PCDHGA1: variants seen among roughly 807,000 people sequenced by gnomAD.
The protein encoded by PCDHGA1 is protocadherin gamma-A1.
In PCDHGA1, 32 loss-of-function variants were observed where a neutral mutation model predicts 58.0. That is an observed-to-expected ratio of 0.55 (90% confidence interval 0.42 to 0.74). PCDHGA1 has a LOEUF of 0.74. Ranked by LOEUF, PCDHGA1 falls within the 30% of genes least tolerant of loss-of-function variation. The pLI is 0.00. For synonymous variants in PCDHGA1, 498 were observed against 501.1 expected (o/e 0.99, Z 0.08); for missense variants, 1,205 against 1,182.3 (o/e 1.02, Z -0.28).
At chr5:141,400,360 C>T (rs1327384409) in intron 1 of PCDHGA1, 2 of 1,614,030 alleles carry the variant, frequency 1.2e-6, no homozygotes, top group East Asian at 2.2e-5. Context: ...GGGGACTTTG[C>T]CTTATTCCTA....
At chr5:141,398,667 A>G (rs750777887) in intron 1 of PCDHGA1, 1 of 1,614,006 alleles carries the variant, frequency 6.2e-7, no homozygotes, top group Admixed American at 1.7e-5. Flanking sequence ...GTTTCTCATT[A>G]ATAATTAAGG....
intron 1 of PCDHGA1, chr5:141,338,986 A>G (rs1047094730): frequency 1.9e-5 from 29 of 1,540,890 alleles, no homozygotes; most frequent in Non-Finnish European, 2.1e-5. Flanking sequence ...CGGCTCTGCA[A>G]AAGTTGCCAC....
At chr5:141,508,760 T>A (rs1004267844) in intron 3 of PCDHGA1, among the ~76,000 whole-genome samples, 17 of 151,522 alleles carry the variant, frequency 1.1e-4, no homozygotes, top group Admixed American at 1.1e-3. Flanking sequence ...CTCTGGCGCC[T>A]CTGAGGTCCC....
At chr5:141,413,661 T>G (rs2095664313) in intron 1 of PCDHGA1, 1 of 1,613,886 alleles carries the variant, frequency 6.2e-7, no homozygotes. Flanking sequence ...CGGAAGCTAT[T>G]GATCCGGATG....
intron 1 of PCDHGA1, among the ~76,000 whole-genome samples, chr5:141,380,336 G>C (rs1221282125): frequency 6.6e-6 from 1 of 152,060 alleles, no homozygotes; most frequent in Non-Finnish European, 1.5e-5. Flanking sequence ...GAACTTCAAA[G>C]AACTGTTTTG....
At chr5:141,360,213 C>CG (rs1458385233) in intron 1 of PCDHGA1, 10 of 1,613,128 alleles carry the variant, frequency 6.2e-6, no homozygotes, top group Middle Eastern at 1.7e-4. Flanking sequence ...CTTTGTTCCC[C>CG]GGGGCTCTCC....
rs182282975 is a variant in PCDHGA1 at position 141,420,903 on chromosome 5, A to G, written c.2422-73904A>G. The G allele has an allele frequency of 1.7e-5, 5 of 296,804 alleles. No individual in the cohort carries two copies. In the Admixed American group the frequency reaches 1.8e-4, roughly 11 times the overall value. The allele number at this position is 296,804 out of a possible 1,614,324, so 18.4% of individuals were successfully genotyped here. On this transcript the variant is annotated intron_variant, in intron 1 of 3. Transcript: ENST00000517417. ...TGTATCATCGTTTTTAAGCTCTACA[A>G]ATACGTGTGATTCACAAAGGTGAGC...
intron 1 of PCDHGA1, chr5:141,370,948 A>G (rs1401435063): frequency 6.2e-7 from 1 of 1,613,966 alleles, no homozygotes. Flanking sequence ...CAGAAGGAGA[A>G]CCTGGATGGC....
intron 1 of PCDHGA1, chr5:141,392,777 A>G (rs1226924811): frequency 1.3e-6 from 2 of 1,529,440 alleles, no homozygotes; most frequent in Non-Finnish European, 1.8e-6. Flanking sequence ...ATTTATGCAC[A>G]GTGAAGATTC....
intron 1 of PCDHGA1, chr5:141,362,281 C>T: frequency 2.4e-5 from 39 of 1,614,016 alleles, no homozygotes; most frequent in Non-Finnish European, 3.2e-5. Context: ...CCTGCGCCTG[C>T]GACTCTCTTC....
At position 141,333,048 on chromosome 5, in the gene PCDHGA1, G is replaced by A. The variant is rs771123454; in HGVS notation, c.2364G>A (p.Lys788=). Residue 788 remains lysine (K), a synonymous_variant, in exon 1 of 4, where the codon AAG becomes AAA. Transcript: ENST00000517417. ...TCAGCCAGGAGAGCTGTGAGAAAAA[G>A]GGTTTTCTATCAGCACCCCAGTCTT... ...TLISQESCEK[K]GFLSAPQSLL... is the part of the protein sequence containing the mutation. 3 of 1,614,172 alleles carry A rather than the reference G, an allele frequency of 1.9e-6. No homozygotes were observed. The highest frequency in any genetic ancestry group is 4.5e-5 in the East Asian group (2 of 44,872).
At chr5:141,363,766 C>T (rs532729519) in intron 1 of PCDHGA1, among the ~76,000 whole-genome samples, 1 of 152,236 alleles carries the variant, frequency 6.6e-6, no homozygotes, top group South Asian at 2.1e-4. Context: ...TGCAAATAAG[C>T]ACGTTTTCCT....
At chr5:141,498,919 C>T (rs897611505) in intron 2 of PCDHGA1, among the ~76,000 whole-genome samples, 34 of 122,310 alleles carry the variant, frequency 2.8e-4, no homozygotes, top group African/African-American at 3.4e-4. Flanking sequence ...GGTGACAGAG[C>T]GAGACTCCAT....
chr5:141,372,350 GCCTCTTTCAGCCA>G (rs1768695448), intron 1 of PCDHGA1: 2 of 1,613,880 alleles, frequency 1.2e-6, no homozygotes, highest in Admixed American at 3.3e-5. Flanking sequence ...GAGGACAGCA[GCCTCTTTCAGCCA>G]CCGTCATGCT....
At chr5:141,496,479 CAACCAACCA>C (rs1199646129) in intron 2 of PCDHGA1, among the ~76,000 whole-genome samples, 1 of 152,180 alleles carries the variant, frequency 6.6e-6, no homozygotes, top group Non-Finnish European at 1.5e-5. Context: ...CCCCATCCTG[CAACCAACCA>C]AACCCTTGTT....
chr5:141,413,485 G>C lies in PCDHGA1; in HGVS notation c.2421+80380G>C, dbSNP rs184712199. ...CCGGGAGGAGCTCTGCGCTCAGAGC[G>C]CGCGGTGCGTGGTGAGTTTTAATAT... is the stretch of plus-strand genomic sequence containing the variant. On this transcript the variant is annotated intron_variant, in intron 1 of 3. Coordinates refer to ENST00000517417, the MANE Select transcript of PCDHGA1 (RefSeq NM_018912.3). 439 of 1,614,058 alleles carry C rather than the reference G, an allele frequency of 2.7e-4. 1 individual carries two copies. In the African/African-American group the frequency reaches 4.6e-3, roughly 17 times the overall value.
rs771408685 is a variant in PCDHGA1, at chr5:141,486,166, G to T, written c.2422-8641G>T. ...GCGATGGGGGTTCTCCAGCCATGGA[G>T]CAACATTGCAGCCTTCGAGTGGATC... is the stretch of plus-strand genomic sequence containing the variant. On this transcript the variant is annotated intron_variant, in intron 1 of 3. Transcript: ENST00000517417. The surrounding 1 kb of genome is among the most constrained non-coding windows in gnomAD (Gnocchi z 5.0). 1.9e-6 allele frequency: 3 copies of T among 1,614,106 alleles called. No homozygotes were observed. Among genetic ancestry groups the T allele is most frequent in the Non-Finnish European group, 2.5e-6 (3 of 1,180,048 alleles).
chr5:141,421,650 A>G, intron 1 of PCDHGA1: 1 of 1,613,868 alleles, frequency 6.2e-7, no homozygotes, highest in South Asian at 1.1e-5. Flanking sequence ...AAGTGGAGAT[A>G]AAAGTCAGTG....
rs772659046 is a variant in PCDHGA1 at position 141,426,970 on chromosome 5, A to C, written c.2422-67837A>C. On this transcript the variant is annotated intron_variant, in intron 1 of 3. Coordinates refer to ENST00000517417, the MANE Select transcript of PCDHGA1 (RefSeq NM_018912.3). Reference sequence around the variant, plus strand: ...ACTGGCACTGCTGCAATTCAAATTGAGGTCACTGATGCCAACGATAATGCC... The same window carrying C: ...ACTGGCACTGCTGCAATTCAAATTGCGGTCACTGATGCCAACGATAATGCC... 72 of 456,624 alleles carry C rather than the reference A, an allele frequency of 1.6e-4. No homozygotes were observed. In the Middle Eastern group the frequency reaches 1.6e-3, roughly 10 times the overall value. The allele number at this position is 456,624 out of a possible 1,614,324, so 28.3% of individuals were successfully genotyped here. A position where few individuals can be genotyped will look rare whatever the true frequency, so the allele number is the denominator to read the frequency against.
Sources: gnomAD v4.1 joint callset for allele counts (sites outside exome capture counted in the v4.1 genomes callset) on GRCh38, gnomAD v4.1.1 for gene constraint, Gnocchi (gnomAD v3.1) non-coding constraint, MANE v1.5 for transcripts, NCBI Gene and HGNC (gene_info 2026-07-23, HGNC 2026-07-21) for gene names.